The following SH3GL2 variants were observed in gnomAD, a reference collection of about 807,000 sequenced individuals.
SH3GL2 encodes the protein SH3 domain containing GRB2 like 2, endophilin A1, also known as endophilin-A1.
In SH3GL2, 24 loss-of-function variants were observed where a neutral mutation model predicts 46.0. The observed-to-expected ratio is 0.52, with a 90% CI of 0.38 to 0.73. The LOEUF is 0.73. SH3GL2 is among the 30% of genes least tolerant of loss of function. SH3GL2 has a pLI of 0.00. For missense variants in SH3GL2, 413 were observed against 424.2 expected, an observed-to-expected ratio of 0.97 and a Z score of 0.23; for synonymous variants, 196 against 147.1, an observed-to-expected ratio of 1.33 and a Z score of -2.40.
intron 1 of SH3GL2, among the ~76,000 whole-genome samples, chr9:17,678,918 A>C (rs964249277): frequency 2.6e-5 from 4 of 151,890 alleles, no homozygotes; most frequent in Non-Finnish European, 4.4e-5. Flanking sequence ...TTTTTGTCAG[A>C]TTTGTCAAAG....
intron 1 of SH3GL2, among the ~76,000 whole-genome samples, chr9:17,650,058 C>A (rs1026199974): frequency 6.6e-6 from 1 of 152,190 alleles, no homozygotes. Context: ...AGGATATCTT[C>A]CCTGGAGAGA....
intron 1 of SH3GL2, among the ~76,000 whole-genome samples, chr9:17,725,876 C>G (rs1377373569): frequency 6.6e-6 from 1 of 152,106 alleles, no homozygotes; most frequent in Non-Finnish European, 1.5e-5. Context: ...AGGTGAAACT[C>G]TAGCCCTAGA....
intron 1 of SH3GL2, among the ~76,000 whole-genome samples, chr9:17,656,359 C>G (rs984430218): frequency 5.9e-5 from 9 of 151,930 alleles, no homozygotes; most frequent in Admixed American, 1.3e-4. Context: ...GAGTAACTGA[C>G]TAGCTTTATG....
At chr9:17,688,435 A>G (rs1054292790) in intron 1 of SH3GL2, among the ~76,000 whole-genome samples, 3 of 152,072 alleles carry the variant, frequency 2.0e-5, no homozygotes, top group Non-Finnish European at 4.4e-5. Flanking sequence ...TGGATACATT[A>G]TTTATAAGCA....
chr9:17,718,212 C>A (rs574222654), intron 1 of SH3GL2, among the ~76,000 whole-genome samples: 8 of 152,080 alleles, frequency 5.3e-5, no homozygotes, highest in Non-Finnish European at 1.0e-4. Flanking sequence ...TGACAAAATT[C>A]CAATATCATG....
At position 17,672,069 on chromosome 9, in the gene SH3GL2, C is replaced by T. The variant is rs551118828; in HGVS notation, c.46-74997C>T. Among the ~76,000 whole-genome samples, 45 of 152,182 alleles carry T rather than the reference C, an allele frequency of 3.0e-4. 1 individual carries two copies. Among genetic ancestry groups the T allele is most frequent in the South Asian group, 2.1e-3 (10 of 4,810 alleles). ...TGTTACATGAAACTAAATTGGAAAC[C>T]GACCTCTGGAACTCAATGTTTTGTT... On this transcript the variant is annotated intron_variant, in intron 1 of 8. Coordinates refer to ENST00000380607, the MANE Select transcript of SH3GL2 (RefSeq NM_003026.5).
chr9:17,714,558 G>C (rs1446556554), intron 1 of SH3GL2, among the ~76,000 whole-genome samples: 1 of 151,638 alleles, frequency 6.6e-6, no homozygotes, highest in East Asian at 1.9e-4. Context: ...GTAGTGCCTA[G>C]ATGGTCTATA....
At chr9:17,699,634 G>A (rs752856295) in intron 1 of SH3GL2, among the ~76,000 whole-genome samples, 2 of 152,214 alleles carry the variant, frequency 1.3e-5, no homozygotes, top group African/African-American at 2.4e-5. Flanking sequence ...CCTCTTGGCT[G>A]TCCAGTAGTG....
chr9:17,767,693 G>A (rs1310154077), intron 3 of SH3GL2, among the ~76,000 whole-genome samples: 1 of 152,222 alleles, frequency 6.6e-6, no homozygotes, highest in Non-Finnish European at 1.5e-5. Context: ...AATAAGGGAT[G>A]TGTGCTGAGT....
chr9:17,723,011 A>G lies in SH3GL2; in HGVS notation c.46-24055A>G, dbSNP rs146303972. ...TTTACTTAAATTGTAAAAGATGACT[A>G]GCACTGTACAGTCAAAGCACATTTA... On this transcript the variant is annotated intron_variant, in intron 1 of 8. Transcript: ENST00000380607. Among the ~76,000 whole-genome samples, 187 of 152,264 alleles carry G rather than the reference A, an allele frequency of 1.2e-3. 5 individuals carry two copies. The East Asian group carries it at 0.027, about 22-fold the overall frequency.
At chr9:17,592,985 A>C (rs542027844) in intron 1 of SH3GL2, among the ~76,000 whole-genome samples, 1 of 152,260 alleles carries the variant, frequency 6.6e-6, no homozygotes, top group East Asian at 1.9e-4. Flanking sequence ...CCTCCATAAA[A>C]ACCCAACATC....
At chr9:17,731,449 G>C (rs1245253184) in intron 1 of SH3GL2, among the ~76,000 whole-genome samples, 3 of 151,384 alleles carry the variant, frequency 2.0e-5, no homozygotes, top group East Asian at 2.0e-4. Flanking sequence ...GAGAGAGAGA[G>C]AGACAGACAG....
intron 3 of SH3GL2, among the ~76,000 whole-genome samples, chr9:17,774,557 T>C (rs1018876791): frequency 6.6e-6 from 1 of 152,080 alleles, no homozygotes; most frequent in Non-Finnish European, 1.5e-5. Context: ...TGTGGTTTTT[T>C]TTTTTACTCT....
intron 1 of SH3GL2, among the ~76,000 whole-genome samples, chr9:17,652,703 C>A (rs959200123): frequency 2.0e-5 from 3 of 152,130 alleles, no homozygotes; most frequent in African/African-American, 7.2e-5. Context: ...AGGAAATGCT[C>A]ATTGGAGCAT....
chr9:17,779,640 A>C (rs975884024), intron 3 of SH3GL2, among the ~76,000 whole-genome samples: 2 of 152,100 alleles, frequency 1.3e-5, no homozygotes, highest in Non-Finnish European at 2.9e-5. Flanking sequence ...CCACATATAA[A>C]ACCACTGGAA....
At chr9:17,709,475 G>T (rs904950397) in intron 1 of SH3GL2, among the ~76,000 whole-genome samples, 3 of 151,842 alleles carry the variant, frequency 2.0e-5, no homozygotes, top group African/African-American at 7.3e-5. Flanking sequence ...GCTGTTTTTG[G>T]TGCTGTCTCT....
At chr9:17,758,818 C>G (rs1823084743) in intron 2 of SH3GL2, among the ~76,000 whole-genome samples, 1 of 152,160 alleles carries the variant, frequency 6.6e-6, no homozygotes, top group Non-Finnish European at 1.5e-5. Context: ...TTGAAGGAGT[C>G]TGCCTCAATG....
At chr9:17,635,884 G>T (rs912571554) in intron 1 of SH3GL2, among the ~76,000 whole-genome samples, 2 of 152,156 alleles carry the variant, frequency 1.3e-5, no homozygotes. Context: ...CACAAAAATG[G>T]CAGTTTCTAT....
chr9:17,793,690 C>T (rs1824197014), intron 8 of SH3GL2, among the ~76,000 whole-genome samples, 193 bp downstream of exon 8: 1 of 151,982 alleles, frequency 6.6e-6, no homozygotes, highest in Non-Finnish European at 1.5e-5. Flanking sequence ...CTTTTCTTTC[C>T]TTCCTTCTCA....
Sources: gnomAD v4.1 joint callset for allele counts (sites outside exome capture counted in the v4.1 genomes callset) on GRCh38, gnomAD v4.1.1 for gene constraint, MANE v1.5 for transcripts, NCBI Gene and HGNC (gene_info 2026-07-23, HGNC 2026-07-21) for gene names.